SNX17: variants seen among roughly 807,000 people sequenced by gnomAD.
SNX17 encodes sorting nexin 17.
In SNX17, 35 loss-of-function variants were observed where a neutral mutation model predicts 64.3. The ratio of observed to expected loss-of-function variants is 0.54; its 90% CI spans 0.42 to 0.72. The LOEUF is 0.72. Ranked by LOEUF, SNX17 falls within the 30% of genes least tolerant of loss-of-function variation. The probability of loss-of-function intolerance (pLI) is 0.00; values close to 1 mark genes in which losing one functional copy is unlikely to be tolerated. For missense variants in SNX17, 538 were observed against 610.0 expected, an observed-to-expected ratio of 0.88 and a Z score of 1.24; for synonymous variants, 259 against 230.2, an observed-to-expected ratio of 1.13 and a Z score of -1.13.
At chr2:27,371,146 G>T (rs898958046) in intron 1 of SNX17, 123 bp from the exon 2 acceptor site, 10 of 895,802 alleles carry the variant, frequency 1.1e-5, no homozygotes, top group African/African-American at 3.3e-5. Context: ...GAAAACAAGC[G>T]AACTATCCCT....
intron 1 of SNX17, 129 bp downstream of exon 1, chr2:27,370,935 G>C (rs1406589928): frequency 2.9e-6 from 3 of 1,037,884 alleles, no homozygotes; most frequent in East Asian, 5.3e-5. Flanking sequence ...ACTCCCGACG[G>C]CCTCTCTGGG....
chr2:27,375,903 C>G lies in SNX17; in HGVS notation c.1036C>G (p.Leu346Val). The G allele has an allele frequency of 6.2e-7, 1 of 1,614,186 alleles. No homozygotes were observed. Among genetic ancestry groups the G allele is most frequent in the Non-Finnish European group, 8.5e-7 (1 of 1,180,036 alleles). ...SPGRGRGEVR[L>V]ELAFEYLMSK... is the part of the protein sequence containing the mutation. ...AGGCCGGGGCCGGGGTGAGGTGCGC[C>G]TGGAACTGGCTTTTGAATACCTCAT... The change falls in exon 11 of 15, where the codon CTG (leucine) becomes GTG (valine). Residue 346 changes from leucine (L) to valine (V), a missense_variant. Physicochemically the swap from Leu to Val is conservative, Grantham distance 32. Coordinates refer to ENST00000233575, the MANE Select transcript of SNX17 (RefSeq NM_014748.4). This position sits in a 1 kb window ranked among gnomAD's most constrained non-coding sequence, Gnocchi z 4.1.
At chr2:27,372,997 G>T in intron 3 of SNX17, 1 of 1,499,546 alleles carries the variant, frequency 6.7e-7, no homozygotes, top group East Asian at 2.5e-5. Context: ...AACTTAATTT[G>T]TATCTGATGT....
chr2:27,370,922 C>A, intron 1 of SNX17, 116 bp downstream of exon 1: 1 of 1,143,524 alleles, frequency 8.7e-7, no homozygotes, highest in Non-Finnish European at 1.2e-6. Flanking sequence ...TCCTGGGCCG[C>A]CGACTCCCGA....
Position 27,375,081 on chromosome 2 carries a change from T to C in SNX17, c.702T>C (p.Arg234=), listed in dbSNP as rs754638027. Residue 234 remains arginine, a synonymous_variant, in exon 9 of 15, where the codon CGT becomes CGC. Coordinates refer to ENST00000233575, the MANE Select transcript of SNX17 (RefSeq NM_014748.4). The surrounding 1 kb of genome is among the most constrained non-coding windows in gnomAD (Gnocchi z 4.1). ...LYAQTVSDIE[R]GWILVTKEQH... Reference sequence around the variant, plus strand: ...TATAGACGGTATCAGATATTGAGCGTGGGTGGATCTTGGTCACCAAGGAAC... The same window carrying C: ...TATAGACGGTATCAGATATTGAGCGCGGGTGGATCTTGGTCACCAAGGAAC... 1 of 1,614,096 alleles carries C rather than the reference T, an allele frequency of 6.2e-7. No homozygotes were observed. Among genetic ancestry groups the C allele is most frequent in the Non-Finnish European group, 8.5e-7 (1 of 1,180,018 alleles).
At position 27,376,652 on chromosome 2, in the gene SNX17, C is replaced by T; in HGVS notation, c.1346C>T (p.Thr449Ile). The change falls in exon 15 of 15, where the codon ACA (threonine) becomes ATA (isoleucine). Residue 449 changes from threonine to isoleucine, a missense_variant. By Grantham distance (89) the Thr-to-Ile change is moderately conservative. This residue lies in a region of SNX17 where 505 missense variants were observed against 550.4 expected (regional missense o/e 0.92). Transcript: ENST00000233575. ...TTGCGGGGAATTGGCAGTCCCAGCA[C>T]AGATGCCAGTGCCAGTGATGTCCAC... ...VSLRGIGSPS[T>I]DASASDVHGN... The T allele has an allele frequency of 6.2e-7, 1 of 1,614,200 alleles. No individual in the cohort carries two copies. The highest frequency in any genetic ancestry group is 8.5e-7 in the Non-Finnish European group (1 of 1,180,030).
Position 27,375,587 on chromosome 2 carries a change from T to C in SNX17, c.856T>C (p.Cys286Arg). 1 of 1,614,234 alleles carries C rather than the reference T, an allele frequency of 6.2e-7. No homozygotes were observed. The highest frequency in any genetic ancestry group is 1.3e-5 in the African/African-American group (1 of 75,060). Residue 286 changes from cysteine (C) to arginine (R), a missense_variant, in exon 10 of 15, where the codon TGT becomes CGT. By Grantham distance (180) the Cys-to-Arg change is radical. This residue lies in a region of SNX17 where 505 missense variants were observed against 550.4 expected (regional missense o/e 0.92). Transcript: ENST00000233575. This position sits in a 1 kb window ranked among gnomAD's most constrained non-coding sequence, Gnocchi z 4.1. ...ACVADFPEKDCPVVVSAGNSE... is the reference protein window; with the variant it reads ...ACVADFPEKDRPVVVSAGNSE... Reference sequence around the variant, plus strand: ...TGTGGCTGACTTCCCAGAAAAGGACTGTCCTGTGGTGGTGAGCGCGGGCAA... The same window carrying C: ...TGTGGCTGACTTCCCAGAAAAGGACCGTCCTGTGGTGGTGAGCGCGGGCAA...
chr2:27,374,301 C>T (rs1488346286), intron 6 of SNX17, 45 bp from the exon 7 acceptor site: 35 of 1,581,640 alleles, frequency 2.2e-5, no homozygotes, highest in Non-Finnish European at 3.0e-5. Flanking sequence ...ATTTCCCTTC[C>T]TTTAAATCTC....
chr2:27,371,101 G>A (rs948301847), intron 1 of SNX17, among the ~76,000 whole-genome samples, 168 bp from the exon 2 acceptor site: 3 of 152,238 alleles, frequency 2.0e-5, no homozygotes, highest in South Asian at 2.1e-4. Context: ...AATTTCCCCC[G>A]GACTGGCTCT....
At position 27,377,331 on chromosome 2, in the gene SNX17, G is replaced by A; in HGVS notation, c.*612G>A. The A allele has an allele frequency of 1.4e-6, 1 of 695,188 alleles. No individual in the cohort carries two copies. Among genetic ancestry groups the A allele is most frequent in the Non-Finnish European group, 2.6e-6 (1 of 382,580 alleles). 43.1% of individuals were successfully genotyped at this position (695,188 alleles called of 1,614,324 possible). Reference sequence around the variant, plus strand: ...CCAGCCGGTTTGTCCACAGCCCCTGGGGGCAGTGGAGGTGAATACAGGGCC... The same window carrying A: ...CCAGCCGGTTTGTCCACAGCCCCTGAGGGCAGTGGAGGTGAATACAGGGCC... On this transcript the variant is annotated 3_prime_UTR_variant, in exon 15 of 15. Coordinates refer to ENST00000233575, the MANE Select transcript of SNX17 (RefSeq NM_014748.4). The surrounding 1 kb of genome is among the most constrained non-coding windows in gnomAD (Gnocchi z 4.4).
Position 27,377,091 on chromosome 2 carries a change from C to G in SNX17, c.*372C>G. On this transcript the variant is annotated 3_prime_UTR_variant, in exon 15 of 15. Coordinates refer to ENST00000233575, the MANE Select transcript of SNX17 (RefSeq NM_014748.4). The surrounding 1 kb of genome is among the most constrained non-coding windows in gnomAD (Gnocchi z 4.4). ...GCAGAGGTCTGTGTTTGGTCTGGCC[C>G]AGTTCCCCATCATTAAACTCAGCCT... is the stretch of plus-strand genomic sequence containing the variant. 2 of 407,444 alleles carry G rather than the reference C, an allele frequency of 4.9e-6. No individual in the cohort carries two copies. Among genetic ancestry groups the G allele is most frequent in the South Asian group, 4.5e-5 (2 of 44,920 alleles). The allele number at this position is 407,444 out of a possible 1,614,324, so 25.2% of individuals were successfully genotyped here. A position where few individuals can be genotyped will look rare whatever the true frequency, so the allele number is the denominator to read the frequency against.
chr2:27,372,928 T>C (rs1445253011), intron 3 of SNX17, 188 bp downstream of exon 3: 16 of 1,271,826 alleles, frequency 1.3e-5, no homozygotes, highest in Non-Finnish European at 1.8e-5. Flanking sequence ...CAAAACAATT[T>C]GGGCACTAAC....
Position 27,377,013 on chromosome 2 carries a change from C to T in SNX17, c.*294C>T. 2.3e-6 allele frequency: 1 copy of T among 436,806 alleles called. No individual in the cohort carries two copies. Among genetic ancestry groups the T allele is most frequent in the Non-Finnish European group, 4.2e-6 (1 of 236,846 alleles). 27.1% of individuals were successfully genotyped at this position (436,806 alleles called of 1,614,324 possible). A position where few individuals can be genotyped will look rare whatever the true frequency, so the allele number is the denominator to read the frequency against. On this transcript the variant is annotated 3_prime_UTR_variant, in exon 15 of 15. Transcript: ENST00000233575. This position sits in a 1 kb window ranked among gnomAD's most constrained non-coding sequence, Gnocchi z 4.4. ...TGCCTTGGGGAGGAACCATATCTCCCTCTGGGCCGCTTCTGGCCTCTTGGA... is the reference window on the plus strand; with the variant it reads ...TGCCTTGGGGAGGAACCATATCTCCTTCTGGGCCGCTTCTGGCCTCTTGGA...
At position 27,377,468 on chromosome 2, in the gene SNX17, T is replaced by C; in HGVS notation, c.*749T>C. ...CTTATAGTGCCTACGTTAGTCTGTG[T>C]GGAGCCCCTGGCCAGCGGGGGAGAA... On this transcript the variant is annotated 3_prime_UTR_variant, in exon 15 of 15. Transcript: ENST00000233575. This position sits in a 1 kb window ranked among gnomAD's most constrained non-coding sequence, Gnocchi z 4.4. 6.6e-7 allele frequency: 1 copy of C among 1,510,886 alleles called. No individual in the cohort carries two copies. Among genetic ancestry groups the C allele is most frequent in the Middle Eastern group, 1.7e-4 (1 of 5,884 alleles). 93.6% of individuals were successfully genotyped at this position (1,510,886 alleles called of 1,614,324 possible).
intron 3 of SNX17, 35 bp from the exon 4 acceptor site, chr2:27,373,212 T>A (rs1178621300): frequency 6.2e-7 from 1 of 1,613,712 alleles, no homozygotes; most frequent in South Asian, 1.1e-5. Flanking sequence ...GAGTGAGTGC[T>A]AAGTTCCTGT....
In SNX17 at chr2:27,374,004, C is replaced by T. The variant is rs200520954; in HGVS notation, c.432+33C>T. 1.9e-6 allele frequency: 3 copies of T among 1,609,440 alleles called. No individual in the cohort carries two copies. In the African/African-American group the frequency reaches 4.0e-5, roughly 22 times the overall value. On this transcript the variant is annotated intron_variant, in intron 5 of 14. Transcript: ENST00000233575. ...GCTTGTTCAGCACTGCCCCTTCTTC[C>T]CCTACATCCTGGGGTCCTGGGCTTG...
Position 27,376,616 on chromosome 2 carries a change from G to C in SNX17, c.1310G>C (p.Ser437Thr). ...CTGCCTTTGTTACAGAGTAAGCTGA[G>C]TGCCGTGAGCTTGCGGGGAATTGGC... The part of the protein sequence containing the change: ...ESMVKLSSKL[S>T]AVSLRGIGSP... Residue 437 changes from serine to threonine, a missense_variant, in exon 15 of 15, where the codon AGT becomes ACT. Coordinates refer to ENST00000233575, the MANE Select transcript of SNX17 (RefSeq NM_014748.4). The C allele has an allele frequency of 6.2e-7, 1 of 1,614,218 alleles. No individual in the cohort carries two copies. Among genetic ancestry groups the C allele is most frequent in the Non-Finnish European group, 8.5e-7 (1 of 1,180,036 alleles).
At chr2:27,372,796 A>T (rs185286108) in intron 3 of SNX17, 56 bp downstream of exon 3, 1 of 1,604,324 alleles carries the variant, frequency 6.2e-7, no homozygotes, top group East Asian at 2.2e-5. Flanking sequence ...GGAGAGACTT[A>T]AAAACAGCTG....
intron 3 of SNX17, 41 bp from the exon 4 acceptor site, chr2:27,373,206 G>A: frequency 1.2e-6 from 2 of 1,613,236 alleles, no homozygotes; most frequent in Non-Finnish European, 1.7e-6. Flanking sequence ...AGCCAAGAGT[G>A]AGTGCTAAGT....
Sources: allele counts gnomAD v4.1 joint callset (sites outside exome capture counted in the v4.1 genomes callset), GRCh38; gene constraint gnomAD v4.1.1; regional missense constraint gnomAD v4.1.1; non-coding constraint Gnocchi (gnomAD v3.1); transcripts MANE v1.5; gene names NCBI Gene and HGNC (gene_info 2026-07-23, HGNC 2026-07-21).